The following MCF2L variants were observed in gnomAD, a reference collection of about 807,000 sequenced individuals.
MCF2L encodes the protein MCF.2 cell line derived transforming sequence like.
Under a neutral mutation model 153.4 loss-of-function variants are expected in MCF2L, and 97 were observed. The observed-to-expected ratio is 0.63, with a 90% CI of 0.54 to 0.75. The LOEUF (loss-of-function observed/expected upper bound fraction) is 0.75. MCF2L is among the 30% of genes least tolerant of loss of function. The probability of loss-of-function intolerance (pLI) is 0.00; values close to 1 mark genes in which losing one functional copy is unlikely to be tolerated. For missense variants in MCF2L, 1,347 were observed against 1,495.2 expected (o/e 0.90, Z 1.64); for synonymous variants, 659 against 632.2 (o/e 1.04, Z -0.64).
At chr13:113,006,373 G>A (rs542325397) in intron 1 of MCF2L, among the ~76,000 whole-genome samples, 1 of 152,288 alleles carries the variant, frequency 6.6e-6, no homozygotes, top group African/African-American at 2.4e-5. Context: ...TCCTCGCGAG[G>A]ACTCACTCAA....
chr13:113,005,365 C>G (rs1021268128), intron 1 of MCF2L, among the ~76,000 whole-genome samples: 1 of 152,196 alleles, frequency 6.6e-6, no homozygotes, highest in Non-Finnish European at 1.5e-5. Flanking sequence ...TGGGGAGATG[C>G]TGGCCGGAGG....
rs576090020 is a variant in MCF2L at position 112,911,434 on chromosome 13, G to A, written c.169+9063G>A. On this transcript the variant is annotated intron_variant, in intron 2 of 29. Coordinates refer to the MCF2L transcript ENST00000375608. ...AGCGGCCCAGCCGCTAGTCCTGTGC[G>A]CCCACCAGGTTCTTCTCTCCCAGCG... Among the ~76,000 whole-genome samples the A allele has an allele frequency of 2.6e-5, 4 of 152,322 alleles. No homozygotes were observed. In the East Asian group the frequency reaches 5.8e-4, roughly 22 times the overall value.
At position 112,951,189 on chromosome 13, in the gene MCF2L, G is replaced by A. The variant is rs746052424; in HGVS notation, c.169+48818G>A. Among the ~76,000 whole-genome samples the A allele has an allele frequency of 1.3e-5, 2 of 152,206 alleles. No homozygotes were observed. Among genetic ancestry groups the A allele is most frequent in the Non-Finnish European group, 2.9e-5 (2 of 68,032 alleles). ...CACCCTCAGGAGAGCTAAGATAAAA[G>A]ATAGTGCCAACTTCGAATGCTGGCA... is the stretch of plus-strand genomic sequence containing the variant. On this transcript the variant is annotated intron_variant, in intron 2 of 29. Coordinates refer to the MCF2L transcript ENST00000375608. This position sits in a 1 kb window ranked among gnomAD's most constrained non-coding sequence, Gnocchi z 4.8.
chr13:112,968,847 T>C, upstream of MCF2L: 1 of 1,137,566 alleles, frequency 8.8e-7, no homozygotes, highest in Non-Finnish European at 1.2e-6. Flanking sequence ...CGGGGGCACT[T>C]GTGCGGCACC....
Position 112,904,255 on chromosome 13 carries a change from A to G in MCF2L, c.169+1884A>G, listed in dbSNP as rs145152292. 2.9e-3 allele frequency among the ~76,000 whole-genome samples: 439 copies of G among 152,132 alleles called. No homozygotes were observed. The highest frequency in any genetic ancestry group is 9.5e-3 in the African/African-American group (395 of 41,496). ...GGACTAGGGTTAGGGAACCCTCACA[A>G]CTGAACCAAGTGCTCCTATTATTTC... On this transcript the variant is annotated intron_variant, in intron 2 of 29. Transcript: ENST00000375608. The surrounding 1 kb of genome is among the most constrained non-coding windows in gnomAD (Gnocchi z 4.2).
chr13:113,055,507 G>A (rs1007838074), intron 4 of MCF2L, among the ~76,000 whole-genome samples: 5 of 150,794 alleles, frequency 3.3e-5, no homozygotes, highest in Admixed American at 1.3e-4. Context: ...TGATAAAAAC[G>A]ACAGTGAAAC....
intron 1 of MCF2L, among the ~76,000 whole-genome samples, chr13:112,980,212 C>T (rs759270219): frequency 6.6e-6 from 1 of 152,254 alleles, no homozygotes; most frequent in Non-Finnish European, 1.5e-5. Flanking sequence ...CATTCAGGAA[C>T]AGCACGTTTG....
intron 4 of MCF2L, among the ~76,000 whole-genome samples, chr13:113,056,938 T>A (rs1003474107): frequency 4.4e-5 from 6 of 135,646 alleles, no homozygotes; most frequent in Non-Finnish European, 7.7e-5. Context: ...GAGTGGGTGC[T>A]GAGTGGGTGC....
chr13:112,924,711 T>G (rs1183465864), intron 2 of MCF2L, among the ~76,000 whole-genome samples: 2 of 152,192 alleles, frequency 1.3e-5, no homozygotes, highest in Non-Finnish European at 2.9e-5. Flanking sequence ...CACATCATCT[T>G]TTTCTTTCTC....
Position 113,075,975 on chromosome 13 carries a change from T to TG in MCF2L, c.1320dup (p.Cys441ValfsTer2). 1 of 1,606,028 alleles carries TG rather than the reference T, an allele frequency of 6.2e-7. No homozygotes were observed. Among genetic ancestry groups the TG allele is most frequent in the Non-Finnish European group, 8.5e-7 (1 of 1,176,206 alleles). On this transcript the variant is annotated frameshift_variant, in exon 12 of 30. Transcript: ENST00000535094. LOFTEE classifies it high-confidence loss of function. ...TGCTCTGTGTTTCCAGTCCATGAAG[T>TG]GGTGTGATGAAGGGATTTACCTGCT...
intron 2 of MCF2L, among the ~76,000 whole-genome samples, chr13:112,918,181 C>T (rs369093360): frequency 1.3e-5 from 2 of 152,244 alleles, no homozygotes; most frequent in South Asian, 4.1e-4. Context: ...TCCGGGAAGG[C>T]ATCTGCGCGG....
At chr13:112,914,840 A>G (rs1269967161) in intron 2 of MCF2L, among the ~76,000 whole-genome samples, 3 of 148,588 alleles carry the variant, frequency 2.0e-5, no homozygotes, top group Non-Finnish European at 4.4e-5. Context: ...AGTTGAAAGT[A>G]TTTTTTCAAA....
chr13:113,033,341 ACATTAGTGGACCCCGTGG>A (rs2085896584), intron 3 of MCF2L, among the ~76,000 whole-genome samples: 14 of 67,366 alleles, frequency 2.1e-4, no homozygotes, highest in East Asian at 1.6e-3. Context: ...GGCCCCCGTG[ACATTAGTGGACCCCGTGG>A]CGTGAGTGGC....
intron 1 of MCF2L, among the ~76,000 whole-genome samples, chr13:112,989,094 T>G (rs1424305382): frequency 3.4e-5 from 3 of 87,710 alleles, no homozygotes; most frequent in African/African-American, 1.3e-4. Flanking sequence ...GAGCAGGGGA[T>G]GGAGCTACCA....
At chr13:112,988,173 C>A (rs1390118349) in intron 1 of MCF2L, among the ~76,000 whole-genome samples, 1 of 151,190 alleles carries the variant, frequency 6.6e-6, no homozygotes, top group Non-Finnish European at 1.5e-5. Context: ...ATGTACACAC[C>A]GTGTGTGGTG....
upstream of MCF2L, among the ~76,000 whole-genome samples, chr13:112,966,478 A>G (rs566567740): frequency 3.3e-5 from 5 of 152,354 alleles, no homozygotes; most frequent in African/African-American, 9.6e-5. The surrounding 1 kb of genome is among the most constrained non-coding windows in gnomAD (Gnocchi z 4.1). Context: ...GTCTACTGAT[A>G]TAAGTGTCAA....
rs558374412 is a variant in MCF2L, at chr13:112,973,224, G to T, written c.79+3766G>T. On this transcript the variant is annotated intron_variant, in intron 1 of 29. Transcript: ENST00000535094. ...TCTGCCTTCGGCCTCAGTGATTGGC[G>T]TCTCCTCAAGGAGCCATGATTTCTT... Among the ~76,000 whole-genome samples the T allele has an allele frequency of 2.6e-5, 4 of 152,148 alleles. No individual in the cohort carries two copies. In the South Asian group the frequency reaches 8.3e-4, roughly 32 times the overall value.
At chr13:113,005,820 T>C (rs1191325263) in intron 1 of MCF2L, among the ~76,000 whole-genome samples, 1 of 152,190 alleles carries the variant, frequency 6.6e-6, no homozygotes, top group Non-Finnish European at 1.5e-5. Flanking sequence ...ACGTGAACTA[T>C]ATCAAAACAG....
intron 4 of MCF2L, among the ~76,000 whole-genome samples, chr13:113,057,462 G>A (rs1594867091): frequency 7.0e-6 from 1 of 142,554 alleles, no homozygotes; most frequent in Non-Finnish European, 1.5e-5. Flanking sequence ...TGAGTGTTTT[G>A]GCACTGGGTG....
Sources: allele counts gnomAD v4.1 joint callset (sites outside exome capture counted in the v4.1 genomes callset), GRCh38; gene constraint gnomAD v4.1.1; non-coding constraint Gnocchi (gnomAD v3.1); transcripts MANE v1.5; gene names NCBI Gene and HGNC (gene_info 2026-07-23, HGNC 2026-07-21).